The following CYTH1 variants were observed in gnomAD, a reference collection of about 807,000 sequenced individuals.
CYTH1 encodes the protein cytohesin-1.
Under a neutral mutation model 61.8 loss-of-function variants are expected in CYTH1, and 18 were observed. The ratio of observed to expected loss-of-function variants is 0.29; its 90% CI spans 0.20 to 0.43. CYTH1 has a LOEUF of 0.43. Ranked by LOEUF, CYTH1 falls within the 20% of genes least tolerant of loss-of-function variation. CYTH1 has a pLI of 1.00. For missense variants in CYTH1, 336 were observed against 510.5 expected (o/e 0.66, Z 3.29); for synonymous variants, 174 against 184.3 (o/e 0.94, Z 0.45).
At chr17:78,779,400 C>CAAAAA (rs56061178) in intron 1 of CYTH1, among the ~76,000 whole-genome samples, 25 of 84,144 alleles carry the variant, frequency 3.0e-4, no homozygotes, top group South Asian at 8.3e-4. Flanking sequence ...AACTCCATCT[C>CAAAAA]AAAAAAAAAA....
intron 1 of CYTH1, among the ~76,000 whole-genome samples, chr17:78,755,553 C>T (rs2144688516): frequency 6.7e-6 from 1 of 149,228 alleles, no homozygotes; most frequent in East Asian, 2.0e-4. Flanking sequence ...TGTATGATTT[C>T]ACTTACATAA....
chr17:78,696,746 G>C (rs1220830422), intron 9 of CYTH1: 1 of 152,272 alleles, frequency 6.6e-6, no homozygotes, highest in Non-Finnish European at 1.5e-5. Context: ...TAAGAACCAA[G>C]ATAATCTTTG....
rs1336852512 is a variant in CYTH1 at position 78,760,487 on chromosome 17, A to G, written c.22+21715T>C. Among the ~76,000 whole-genome samples, 23 of 50,336 alleles carry G rather than the reference A, an allele frequency of 4.6e-4. 3 individuals carry two copies. The highest frequency in any genetic ancestry group is 1.1e-3 in the South Asian group (2 of 1,878). 33.0% of individuals were successfully genotyped at this position (50,336 alleles called of 152,430 possible). ...TATATATATGTATATATATGTATGT[A>G]TATATATATACATATATATGTATAT... On this transcript the variant is annotated intron_variant, in intron 1 of 13. Transcript: ENST00000446868.
At chr17:78,773,327 G>A (rs572906823) in intron 1 of CYTH1, among the ~76,000 whole-genome samples, 2 of 151,660 alleles carry the variant, frequency 1.3e-5, no homozygotes, top group South Asian at 4.2e-4. Flanking sequence ...AAAAATTATA[G>A]TTTCAAAAAA....
At chr17:78,737,281 T>A (rs2093324317) in intron 1 of CYTH1, among the ~76,000 whole-genome samples, 1 of 152,350 alleles carries the variant, frequency 6.6e-6, no homozygotes, top group Middle Eastern at 3.4e-3. Flanking sequence ...TTACTTCTAA[T>A]ACCAAATACA....
chr17:78,676,217 G>C, intron 13 of CYTH1, 48 bp from the exon 14 acceptor site: 1 of 1,557,622 alleles, frequency 6.4e-7, no homozygotes, highest in Non-Finnish European at 8.7e-7. Flanking sequence ...GACAGAATCA[G>C]AAGAAACACA....
At position 78,700,264 on chromosome 17, in the gene CYTH1, T is replaced by G. The variant is rs746231900; in HGVS notation, c.550+67A>C. 38 of 1,367,280 alleles carry G rather than the reference T, an allele frequency of 2.8e-5. No homozygotes were observed. The highest frequency in any genetic ancestry group is 3.6e-5 in the Non-Finnish European group (36 of 1,005,374). 84.7% of individuals were successfully genotyped at this position (1,367,280 alleles called of 1,614,324 possible). A position where few individuals can be genotyped will look rare whatever the true frequency, so the allele number is the denominator to read the frequency against. Reference sequence around the variant, plus strand: ...CTCAGCCCTTTTGTTTTAGAAATTATCTGGTGCCAAGAAAATAATCCAGTG... The same window carrying G: ...CTCAGCCCTTTTGTTTTAGAAATTAGCTGGTGCCAAGAAAATAATCCAGTG... On this transcript the variant is annotated intron_variant, in intron 7 of 13. Coordinates refer to ENST00000446868, the MANE Select transcript of CYTH1 (RefSeq NM_004762.6). The surrounding 1 kb of genome is among the most constrained non-coding windows in gnomAD (Gnocchi z 5.1).
At chr17:78,693,058 C>G (rs187857483) in intron 10 of CYTH1, among the ~76,000 whole-genome samples, 13 of 152,322 alleles carry the variant, frequency 8.5e-5, no homozygotes, top group Non-Finnish European at 1.8e-4. Context: ...CAGTGAGCTT[C>G]TACACTGGCT....
intron 1 of CYTH1, among the ~76,000 whole-genome samples, chr17:78,767,542 G>A (rs1449315824): frequency 6.6e-6 from 1 of 151,686 alleles, no homozygotes; most frequent in Non-Finnish European, 1.5e-5. Context: ...CGGATGAATA[G>A]ATGAACAAAT....
intron 1 of CYTH1, among the ~76,000 whole-genome samples, chr17:78,730,945 T>C: frequency 6.6e-6 from 1 of 152,120 alleles, no homozygotes. Context: ...ATTACAGGTG[T>C]GAGCCACCGC....
chr17:78,693,719 T>C (rs1289943111), intron 10 of CYTH1, among the ~76,000 whole-genome samples: 1 of 151,892 alleles, frequency 6.6e-6, no homozygotes, highest in African/African-American at 2.4e-5. Context: ...TCCCCAAGCC[T>C]ATCTGAATGA....
intron 1 of CYTH1, among the ~76,000 whole-genome samples, chr17:78,762,274 G>A (rs2093432049): frequency 6.6e-6 from 1 of 152,188 alleles, no homozygotes; most frequent in Admixed American, 6.5e-5. Flanking sequence ...CTGATCAGCA[G>A]AATATAGAGT....
intron 1 of CYTH1, among the ~76,000 whole-genome samples, chr17:78,755,485 T>G: frequency 2.2e-5 from 1 of 44,660 alleles, no homozygotes; most frequent in African/African-American, 1.5e-4. Context: ...TGGCAGTGGG[T>G]TTATTTAAAA....
chr17:78,708,816 A>G (rs960394712), intron 2 of CYTH1: 1 of 153,992 alleles, frequency 6.5e-6, no homozygotes, highest in Non-Finnish European at 1.4e-5. Flanking sequence ...GTGGGGCTTA[A>G]GTGGAGAGCT....
chr17:78,768,857 A>C (rs1189020451), intron 1 of CYTH1, among the ~76,000 whole-genome samples: 1 of 152,128 alleles, frequency 6.6e-6, no homozygotes, highest in East Asian at 1.9e-4. Context: ...AAAATAAAAA[A>C]TAAAAATAAA....
chr17:78,693,361 G>A (rs780149736), intron 10 of CYTH1, among the ~76,000 whole-genome samples: 5 of 152,118 alleles, frequency 3.3e-5, no homozygotes, highest in Non-Finnish European at 5.9e-5. Context: ...AGGGGCTCAC[G>A]TCTATAATCC....
intron 1 of CYTH1, among the ~76,000 whole-genome samples, chr17:78,747,140 A>C (rs2144658748): frequency 3.3e-5 from 4 of 119,706 alleles, no homozygotes; most frequent in East Asian, 2.6e-4. Context: ...AGGTAATGGC[A>C]GCGCCAAAAA....
At chr17:78,722,049 C>CA (rs1359568055) in intron 1 of CYTH1, among the ~76,000 whole-genome samples, 4 of 151,690 alleles carry the variant, frequency 2.6e-5, no homozygotes, top group African/African-American at 9.7e-5. Flanking sequence ...CTCCATCTCA[C>CA]AAAACAAAAA....
intron 1 of CYTH1, among the ~76,000 whole-genome samples, chr17:78,758,890 T>C (rs545263912): frequency 1.3e-5 from 2 of 152,244 alleles, no homozygotes; most frequent in South Asian, 4.1e-4. Context: ...TTCCTGCTAT[T>C]TGCTGTGCGA....
Sources: allele counts gnomAD v4.1 joint callset (sites outside exome capture counted in the v4.1 genomes callset), GRCh38; gene constraint gnomAD v4.1.1; non-coding constraint Gnocchi (gnomAD v3.1); transcripts MANE v1.5; gene names NCBI Gene and HGNC (gene_info 2026-07-23, HGNC 2026-07-21).